Variants in UNC5C observed in about 807,000 individuals in gnomAD.
UNC5C encodes netrin receptor UNC5C.
Under a neutral mutation model 99.8 loss-of-function variants are expected in UNC5C, and 47 were observed. That is an observed-to-expected ratio of 0.47 (90% confidence interval 0.37 to 0.60). The LOEUF (loss-of-function observed/expected upper bound fraction) is 0.60. Among genes scored for constraint, UNC5C ranks in the 20% least tolerant of loss-of-function variants. The probability of loss-of-function intolerance (pLI) is 0.00; values close to 1 mark genes in which losing one functional copy is unlikely to be tolerated. For synonymous variants in UNC5C, 487 were observed against 452.2 expected, an observed-to-expected ratio of 1.08 and a Z score of -0.98; for missense variants, 1,062 against 1,165.9, an observed-to-expected ratio of 0.91 and a Z score of 1.30.
At chr4:95,393,218 G>C (rs1473613483) in intron 1 of UNC5C, among the ~76,000 whole-genome samples, 1 of 152,204 alleles carries the variant, frequency 6.6e-6, no homozygotes, top group Non-Finnish European at 1.5e-5. Context: ...AGCCATGACT[G>C]TTGACTGTAA....
intron 1 of UNC5C, among the ~76,000 whole-genome samples, chr4:95,385,909 A>G (rs1745198907): frequency 6.6e-6 from 1 of 152,172 alleles, no homozygotes; most frequent in Admixed American, 6.6e-5. Context: ...GAAAATTGTT[A>G]CATAAAATGA....
chr4:95,482,207 C>CAG (rs1195310344), intron 1 of UNC5C, among the ~76,000 whole-genome samples: 1 of 151,456 alleles, frequency 6.6e-6, no homozygotes, highest in Non-Finnish European at 1.5e-5. Context: ...AGGACATGAA[C>CAG]AGACACTTCT....
chr4:95,479,498 T>C (rs1217900729), intron 1 of UNC5C, among the ~76,000 whole-genome samples: 6 of 152,002 alleles, frequency 3.9e-5, no homozygotes, highest in African/African-American at 1.2e-4. Context: ...GGGTTATTAT[T>C]TGAGTAGACA....
At position 95,169,209 on chromosome 4, in the gene UNC5C, T is replaced by C. The variant is rs199787209; in HGVS notation, c.*25A>G. ...ACAGACTCCCTGTGCATTTTTGTCC[T>C]TCATTTCCCCTTCCAGCATGGTGGT... On this transcript the variant is annotated 3_prime_UTR_variant, in exon 16 of 16. Coordinates refer to ENST00000453304, the MANE Select transcript of UNC5C (RefSeq NM_003728.4). 2.1e-4 allele frequency: 334 copies of C among 1,611,574 alleles called. 1 individual carries two copies. Among genetic ancestry groups the C allele is most frequent in the Non-Finnish European group, 2.8e-4 (325 of 1,178,100 alleles).
chr4:95,452,256 TAA>T (rs11289494), intron 1 of UNC5C, among the ~76,000 whole-genome samples: 1 of 150,582 alleles, frequency 6.6e-6, no homozygotes, highest in African/African-American at 2.4e-5. Flanking sequence ...AACTTTCTGA[TAA>T]AAAAAAAATC....
intron 1 of UNC5C, among the ~76,000 whole-genome samples, chr4:95,440,523 A>C (rs1244387873): frequency 6.6e-6 from 1 of 152,186 alleles, no homozygotes; most frequent in Non-Finnish European, 1.5e-5. Flanking sequence ...CTTTTAATTA[A>C]AGTATGAGTA....
chr4:95,266,017 A>G (rs1740434870), intron 4 of UNC5C, among the ~76,000 whole-genome samples: 2 of 152,352 alleles, frequency 1.3e-5, no homozygotes, highest in South Asian at 4.1e-4. Flanking sequence ...ATTTTAAACA[A>G]TGATGATTCA....
At chr4:95,393,356 A>G (rs1476606867) in intron 1 of UNC5C, among the ~76,000 whole-genome samples, 1 of 152,296 alleles carries the variant, frequency 6.6e-6, no homozygotes, top group East Asian at 1.9e-4. Context: ...CAGTCATACT[A>G]GTTGATGGTG....
intron 1 of UNC5C, among the ~76,000 whole-genome samples, chr4:95,350,457 A>G (rs2626068): frequency 0.78 from 117,487 of 151,382 alleles, 46,235 homozygotes; most frequent in East Asian, 1. Context: ...ACTACATTCC[A>G]GCCTGGTAAC....
At chr4:95,203,740 AG>A (rs1446837602) in intron 11 of UNC5C, among the ~76,000 whole-genome samples, 2 of 152,214 alleles carry the variant, frequency 1.3e-5, no homozygotes, top group African/African-American at 2.4e-5. Context: ...CTGGGATTAC[AG>A]GTGTGAGCCA....
At chr4:95,213,280 C>T (rs1280036775) in intron 10 of UNC5C, among the ~76,000 whole-genome samples, 2 of 152,200 alleles carry the variant, frequency 1.3e-5, no homozygotes, top group Non-Finnish European at 2.9e-5. Flanking sequence ...AACAAAATTT[C>T]AGTCTAGGTC....
At chr4:95,479,952 G>T (rs1721085338) in intron 1 of UNC5C, among the ~76,000 whole-genome samples, 2 of 148,792 alleles carry the variant, frequency 1.3e-5, no homozygotes, top group East Asian at 2.0e-4. Context: ...CTGAGTAACA[G>T]AAAATTCTGT....
At chr4:95,384,931 A>G in intron 1 of UNC5C, among the ~76,000 whole-genome samples, 1 of 152,108 alleles carries the variant, frequency 6.6e-6, no homozygotes, top group East Asian at 1.9e-4. Flanking sequence ...TCTCCTTGGA[A>G]GACTGGTGCT....
intron 1 of UNC5C, among the ~76,000 whole-genome samples, chr4:95,398,133 A>G (rs1454657546): frequency 6.7e-6 from 1 of 148,952 alleles, no homozygotes; most frequent in Non-Finnish European, 1.5e-5. Flanking sequence ...AATTTATATC[A>G]TTAAACACAT....
At chr4:95,286,682 C>A (rs924505612) in intron 3 of UNC5C, among the ~76,000 whole-genome samples, 1 of 152,072 alleles carries the variant, frequency 6.6e-6, no homozygotes, top group Admixed American at 6.6e-5. Flanking sequence ...TGAAACATGA[C>A]ACCTACCTGG....
At chr4:95,471,929 G>A (rs1295605914) in intron 1 of UNC5C, among the ~76,000 whole-genome samples, 3 of 151,942 alleles carry the variant, frequency 2.0e-5, no homozygotes, top group African/African-American at 4.8e-5. Flanking sequence ...TAGGCCTCAA[G>A]TGTCTCTGTT....
intron 4 of UNC5C, among the ~76,000 whole-genome samples, chr4:95,264,124 G>A (rs1740345707): frequency 6.6e-6 from 1 of 152,160 alleles, no homozygotes; most frequent in Non-Finnish European, 1.5e-5. Flanking sequence ...AGGATGCTGA[G>A]CAACAGTGTG....
At chr4:95,492,748 T>C (rs1207551546) in intron 1 of UNC5C, among the ~76,000 whole-genome samples, 1 of 151,480 alleles carries the variant, frequency 6.6e-6, no homozygotes, top group Non-Finnish European at 1.5e-5. Flanking sequence ...AAATCCATTA[T>C]CTAATGAGAT....
At chr4:95,451,685 T>C (rs1747282840) in intron 1 of UNC5C, among the ~76,000 whole-genome samples, 1 of 152,206 alleles carries the variant, frequency 6.6e-6, no homozygotes, top group South Asian at 2.1e-4. Flanking sequence ...AAAATTCTTC[T>C]ACAGACACTG....
Sources: gnomAD v4.1 joint callset for allele counts (sites outside exome capture counted in the v4.1 genomes callset) on GRCh38, gnomAD v4.1.1 for gene constraint, MANE v1.5 for transcripts, NCBI Gene and HGNC (gene_info 2026-07-23, HGNC 2026-07-21) for gene names.